Variants in KCNG1 observed in about 807,000 individuals in gnomAD.
The protein encoded by KCNG1 is potassium voltage-gated channel modifier subfamily G member 1, also known as voltage-gated potassium channel regulatory subunit KCNG1.
KCNG1 carries 17 observed loss-of-function variants against 32.4 expected under a neutral mutation model. The ratio of observed to expected loss-of-function variants is 0.52; its 90% CI spans 0.36 to 0.79. KCNG1 has a LOEUF of 0.79. KCNG1 is among the 30% of genes least tolerant of loss of function. The pLI, the probability that KCNG1 is intolerant of heterozygous loss-of-function variation, is 0.00. For missense variants in KCNG1, 441 were observed against 735.2 expected (o/e 0.60, Z 4.63); for synonymous variants, 358 against 339.9 (o/e 1.05, Z -0.59).
chr20:51,004,500 G>GGGAGTGGCGCGCCAGGCGCA lies in KCNG1; in HGVS notation c.1061_1080dup (p.Leu361CysfsTer69). On this transcript the variant is annotated frameshift_variant, in exon 3 of 3. Transcript: ENST00000371571. LOFTEE classifies it high-confidence loss of function. The surrounding 1 kb of genome is among the most constrained non-coding windows in gnomAD (Gnocchi z 4.3). ...GTGAGCCCCAGCGTCTGCAGCCCCA[G>GGGAGTGGCGCGCCAGGCGCA]GGAGTGGCGCGCCAGGCGCATCACG... The GGGAGTGGCGCGCCAGGCGCA allele has an allele frequency of 6.3e-7, 1 of 1,594,322 alleles. No individual in the cohort carries two copies. Among genetic ancestry groups the GGGAGTGGCGCGCCAGGCGCA allele is most frequent in the Non-Finnish European group, 8.5e-7 (1 of 1,171,338 alleles).
intron 1 of KCNG1, among the ~76,000 whole-genome samples, chr20:51,011,323 T>G (rs951840658): frequency 4.6e-5 from 7 of 152,086 alleles, no homozygotes; most frequent in African/African-American, 1.7e-4. Context: ...ACTTAACATT[T>G]TATTTTAAAT....
rs1009163679 is a variant in KCNG1, at chr20:51,004,719, T to C, written c.862A>G (p.Ile288Val). The C allele has an allele frequency of 2.5e-6, 4 of 1,595,904 alleles. No individual in the cohort carries two copies. Among genetic ancestry groups the C allele is most frequent in the East Asian group, 2.3e-5 (1 of 44,084 alleles). Reference protein sequence around the residue: ...WFSLEFLLRLIQAPSKFAFLR... With the variant: ...WFSLEFLLRLVQAPSKFAFLR... ...AAGGCGAACTTGCTGGGCGCCTGAA[T>C]GAGCCGCAGGAGGAACTCCAGGGAG... is the stretch of plus-strand genomic sequence containing the variant. Residue 288 changes from isoleucine (I) to valine (V), a missense_variant, in exon 3 of 3, where the codon ATT (isoleucine) becomes GTT (valine). This residue lies in a region of KCNG1 where 169 missense variants were observed against 297.7 expected (regional missense o/e 0.57). Transcript: ENST00000371571. This position sits in a 1 kb window ranked among gnomAD's most constrained non-coding sequence, Gnocchi z 4.3.
chr20:51,017,511 G>A (rs995731512), intron 1 of KCNG1, among the ~76,000 whole-genome samples: 6 of 152,170 alleles, frequency 3.9e-5, no homozygotes, highest in Admixed American at 2.6e-4. Flanking sequence ...CCAATGAGGA[G>A]GCGTGCTGGG....
rs1987724171 is a variant in KCNG1 at position 51,004,144 on chromosome 20, G to T, written c.1437C>A (p.Phe479Leu). The change falls in exon 3 of 3, where the codon TTC becomes TTA. Residue 479 changes from phenylalanine to leucine, a missense_variant. Physicochemically the swap from Phe to Leu is conservative, Grantham distance 22. Around this residue, in one of 6 missense-constraint regions of KCNG1, gnomAD observed 53 missense variants for 79.1 expected, o/e 0.67. Transcript: ENST00000371571. This position sits in a 1 kb window ranked among gnomAD's most constrained non-coding sequence, Gnocchi z 4.3. The part of the protein sequence containing the change: ...ELKQEQERVM[F>L]RRAQFLIKTK... The stretch of plus-strand genomic sequence containing the variant: ...TTTTGATGAGGAACTGCGCCCTCCG[G>T]AACATCACCCTCTCTTGCTCCTGCT... 4 of 1,614,078 alleles carry T rather than the reference G, an allele frequency of 2.5e-6. No individual in the cohort carries two copies. The highest frequency in any genetic ancestry group is 3.4e-6 in the Non-Finnish European group (4 of 1,180,038).
At position 51,004,968 on chromosome 20, in the gene KCNG1, G is replaced by A. The variant is rs1987771495; in HGVS notation, c.775-162C>T. On this transcript the variant is annotated intron_variant, in intron 2 of 2. Coordinates refer to ENST00000371571, the MANE Select transcript of KCNG1 (RefSeq NM_002237.4). The surrounding 1 kb of genome is among the most constrained non-coding windows in gnomAD (Gnocchi z 4.3). ...CCTAGTTGTGCCCACTCCGAGGCCT[G>A]GGGCACTAAGCACCATCTCTACACT... 2 of 624,296 alleles carry A rather than the reference G, an allele frequency of 3.2e-6. No homozygotes were observed. The highest frequency in any genetic ancestry group is 1.9e-5 in the African/African-American group (1 of 53,518). 38.7% of individuals were successfully genotyped at this position (624,296 alleles called of 1,614,324 possible). A position where few individuals can be genotyped will look rare whatever the true frequency, so the allele number is the denominator to read the frequency against.
At chr20:51,013,022 G>A (rs1458337871) in intron 1 of KCNG1, among the ~76,000 whole-genome samples, 2 of 149,694 alleles carry the variant, frequency 1.3e-5, no homozygotes, top group South Asian at 2.1e-4. Context: ...ACCAGCCCTC[G>A]ACCGGGTGCG....
intron 2 of KCNG1, chr20:51,006,626 A>C (rs1445818577): frequency 6.6e-6 from 1 of 152,178 alleles, no homozygotes; most frequent in East Asian, 1.9e-4. Flanking sequence ...TCCGCTTCCC[A>C]GGTTCAAGCG....
rs1421307385 is a variant in KCNG1 at position 51,015,190 on chromosome 20, G to T, written c.-26-4826C>A. 6.6e-6 allele frequency among the ~76,000 whole-genome samples: 1 copy of T among 152,102 alleles called. No homozygotes were observed. The highest frequency in any genetic ancestry group is 2.4e-5 in the African/African-American group (1 of 41,408). On this transcript the variant is annotated intron_variant, in intron 1 of 2. Transcript: ENST00000371571. The surrounding 1 kb of genome is among the most constrained non-coding windows in gnomAD (Gnocchi z 4.4). ...CGGTGGAAGTCCCAGAGAACAGGAG[G>T]GATTTGGGATGAACTTTGGAGGAAG...
chr20:51,007,690 G>A (rs948041514), intron 2 of KCNG1, among the ~76,000 whole-genome samples: 2 of 150,136 alleles, frequency 1.3e-5, no homozygotes, highest in African/African-American at 2.5e-5. Flanking sequence ...CATGAGAATC[G>A]CTTCAATCTG....
At chr20:51,009,371 C>A in intron 2 of KCNG1, 194 bp downstream of exon 2, 1 of 693,418 alleles carries the variant, frequency 1.4e-6, no homozygotes, top group Non-Finnish European at 2.4e-6. Flanking sequence ...AGGACAGGCA[C>A]AGGCGTGGAC....
Position 51,003,737 on chromosome 20 carries a change from A to G in KCNG1, c.*302T>C, listed in dbSNP as rs1987704640. 1 of 226,008 alleles carries G rather than the reference A, an allele frequency of 4.4e-6. No individual in the cohort carries two copies. 14.0% of individuals were successfully genotyped at this position (226,008 alleles called of 1,614,324 possible). A position where few individuals can be genotyped will look rare whatever the true frequency, so the allele number is the denominator to read the frequency against. ...AGTTTTTGCTGGGCATGTTATTTGC[A>G]TGGTGAAAAGAACAAGGCATCTCCT... On this transcript the variant is annotated 3_prime_UTR_variant, in exon 3 of 3. Transcript: ENST00000371571.
Position 51,010,149 on chromosome 20 carries a change from G to A in KCNG1, c.190C>T (p.Arg64Trp), listed in dbSNP as rs761694072. The change falls in exon 2 of 3, where the codon CGG becomes TGG. Residue 64 changes from arginine (R) to tryptophan (W), a missense_variant. Physicochemically the swap from Arg to Trp is moderately radical, Grantham distance 101. Around this residue, in one of 6 missense-constraint regions of KCNG1, gnomAD observed 85 missense variants for 98.2 expected, o/e 0.87. Coordinates refer to ENST00000371571, the MANE Select transcript of KCNG1 (RefSeq NM_002237.4). ...QGCQPEDRRR[R>W]IIINVGGIKY... ...ATGCCGCCTACGTTGATGATGATCC[G>A]ACGGCGGCGGTCCTCGGGCTGACAG... is the stretch of plus-strand genomic sequence containing the variant. 5.6e-6 allele frequency: 9 copies of A among 1,610,838 alleles called. No homozygotes were observed. The highest frequency in any genetic ancestry group is 7.6e-6 in the Non-Finnish European group (9 of 1,178,438).
chr20:51,004,569 C>A lies in KCNG1; in HGVS notation c.1012G>T (p.Val338Leu). 6.3e-7 allele frequency: 1 copy of A among 1,584,790 alleles called. No individual in the cohort carries two copies. The highest frequency in any genetic ancestry group is 1.3e-5 in the African/African-American group (1 of 74,498). ...CGCAGCACGCGCAGCACCAGCCCCA[C>A]CTTGTCCAGGTAGCTGTTGCCCGCG... Reference protein sequence around the residue: ...PGAGNSYLDKVGLVLRVLRAL... With the variant: ...PGAGNSYLDKLGLVLRVLRAL... The change falls in exon 3 of 3, where the codon GTG (valine) becomes TTG (leucine). Residue 338 changes from valine (V) to leucine (L), a missense_variant. Physicochemically the swap from Val to Leu is conservative, Grantham distance 32 (BLOSUM62 1). Transcript: ENST00000371571. This position sits in a 1 kb window ranked among gnomAD's most constrained non-coding sequence, Gnocchi z 4.3.
rs777861678 is a variant in KCNG1, at chr20:51,004,802, T to C, written c.779A>G (p.His260Arg). 2.6e-6 allele frequency: 4 copies of C among 1,560,256 alleles called. No homozygotes were observed. Among genetic ancestry groups the C allele is most frequent in the South Asian group, 1.2e-5 (1 of 83,178 alleles). Reference protein sequence around the residue: ...PSLREEEEQGHCSQMCHNVFI... With the variant: ...PSLREEEEQGRCSQMCHNVFI... ...GACGTTGTGGCACATCTGGGAACAG[T>C]GGCCCTGGGAGAGAGGGGAAGGGAC... is the stretch of plus-strand genomic sequence containing the variant. Residue 260 changes from histidine (H) to arginine (R), a missense_variant, in exon 3 of 3, where the codon CAC becomes CGC. Coordinates refer to ENST00000371571, the MANE Select transcript of KCNG1 (RefSeq NM_002237.4). This position sits in a 1 kb window ranked among gnomAD's most constrained non-coding sequence, Gnocchi z 4.3.
chr20:51,007,695 A>G (rs1026481313), intron 2 of KCNG1, among the ~76,000 whole-genome samples: 7 of 151,798 alleles, frequency 4.6e-5, no homozygotes, highest in Admixed American at 1.3e-4. Context: ...GAATCGCTTC[A>G]ATCTGGGAAG....
At chr20:51,013,804 A>C (rs1988180755) in intron 1 of KCNG1, 1 of 152,204 alleles carries the variant, frequency 6.6e-6, no homozygotes, top group Admixed American at 6.5e-5. Flanking sequence ...CCTTTCAGGC[A>C]CTTTCCTTGG....
At chr20:51,011,907 G>C (rs1007454823) in intron 1 of KCNG1, among the ~76,000 whole-genome samples, 1 of 152,134 alleles carries the variant, frequency 6.6e-6, no homozygotes, top group Admixed American at 6.5e-5. Flanking sequence ...AGCAATTCTC[G>C]TGCCTCAGCC....
intron 1 of KCNG1, among the ~76,000 whole-genome samples, chr20:51,019,501 C>A (rs1988393385): frequency 6.6e-6 from 1 of 151,822 alleles, no homozygotes; most frequent in East Asian, 1.9e-4. Context: ...TAGAGCAAGA[C>A]CCTGTCTTCA....
In KCNG1 at chr20:51,017,363, T is replaced by G. The variant is rs139209330; in HGVS notation, c.-27+5507A>C. 4.4e-3 allele frequency among the ~76,000 whole-genome samples: 665 copies of G among 152,332 alleles called. 6 individuals carry two copies. The highest frequency in any genetic ancestry group is 0.015 in the African/African-American group (635 of 41,572). On this transcript the variant is annotated intron_variant, in intron 1 of 2. Coordinates refer to ENST00000371571, the MANE Select transcript of KCNG1 (RefSeq NM_002237.4). The stretch of plus-strand genomic sequence containing the variant: ...TGTAAATGAACACACACACATTACA[T>G]ATTTTACAAGGTCTCAAGCACATGT...
Sources: allele counts gnomAD v4.1 joint callset (sites outside exome capture counted in the v4.1 genomes callset), GRCh38; gene constraint gnomAD v4.1.1; regional missense constraint gnomAD v4.1.1; non-coding constraint Gnocchi (gnomAD v3.1); transcripts MANE v1.5; gene names NCBI Gene and HGNC (gene_info 2026-07-23, HGNC 2026-07-21).